ADAMTS3: variants seen among roughly 807,000 people sequenced by gnomAD.
ADAMTS3 encodes A disintegrin and metalloproteinase with thrombospondin motifs 3.
ADAMTS3 carries 73 observed loss-of-function variants against 129.0 expected under a neutral mutation model. The ratio of observed to expected loss-of-function variants is 0.57; its 90% CI spans 0.47 to 0.69. ADAMTS3 has a LOEUF of 0.69. ADAMTS3 is among the 30% of genes least tolerant of loss of function. The probability of loss-of-function intolerance (pLI) is 0.00; values close to 1 mark genes in which losing one functional copy is unlikely to be tolerated. For synonymous variants in ADAMTS3, 477 were observed against 510.8 expected, an observed-to-expected ratio of 0.93 and a Z score of 0.89; for missense variants, 1,457 against 1,514.5, an observed-to-expected ratio of 0.96 and a Z score of 0.63.
intron 2 of ADAMTS3, among the ~76,000 whole-genome samples, chr4:72,564,245 G>A (rs1043106275): frequency 1.3e-5 from 2 of 152,088 alleles, no homozygotes; most frequent in Non-Finnish European, 2.9e-5. Flanking sequence ...CTCAGTGGTG[G>A]CTTATGAAAC....
At chr4:72,477,337 CT>C (rs1386028009) in intron 3 of ADAMTS3, among the ~76,000 whole-genome samples, 1 of 152,136 alleles carries the variant, frequency 6.6e-6, no homozygotes, top group African/African-American at 2.4e-5. Flanking sequence ...TTATAACAAA[CT>C]GTCTCTCAGA....
intron 3 of ADAMTS3, among the ~76,000 whole-genome samples, chr4:72,518,561 T>A (rs565449121): frequency 8.5e-4 from 130 of 152,270 alleles, no homozygotes; most frequent in African/African-American, 2.5e-3. Flanking sequence ...TTAGCTCTTC[T>A]TGTTGAATTG....
chr4:72,454,537 A>ATGGTACATGCT (rs1226668808), intron 3 of ADAMTS3, among the ~76,000 whole-genome samples: 1 of 151,686 alleles, frequency 6.6e-6, no homozygotes, highest in Non-Finnish European at 1.5e-5. Context: ...CAATAATTAG[A>ATGGTACATGCT]TGGTACATGC....
intron 4 of ADAMTS3, among the ~76,000 whole-genome samples, chr4:72,349,396 A>G (rs1720368994): frequency 6.6e-6 from 1 of 152,052 alleles, no homozygotes; most frequent in Non-Finnish European, 1.5e-5. Flanking sequence ...ACATGAAAAA[A>G]ATGTGCTACA....
At chr4:72,481,885 T>C (rs920186918) in intron 3 of ADAMTS3, among the ~76,000 whole-genome samples, 1 of 152,038 alleles carries the variant, frequency 6.6e-6, no homozygotes, top group African/African-American at 2.4e-5. Flanking sequence ...ATTTAGAGAA[T>C]ACATAAATGG....
chr4:72,539,540 T>G (rs1426789406), intron 3 of ADAMTS3, among the ~76,000 whole-genome samples: 1 of 126,874 alleles, frequency 7.9e-6, no homozygotes, highest in Non-Finnish European at 1.7e-5. Context: ...TTCACAAGAA[T>G]GTGGAAAAAA....
intron 3 of ADAMTS3, among the ~76,000 whole-genome samples, chr4:72,494,002 T>C (rs1305752301): frequency 2.6e-5 from 4 of 152,196 alleles, no homozygotes; most frequent in African/African-American, 4.8e-5. Context: ...TTCAAAATTC[T>C]ATCTTTGTCT....
chr4:72,311,964 G>A lies in ADAMTS3; in HGVS notation c.1921+327C>T, dbSNP rs1432231108. The A allele has an allele frequency of 1.7e-5, 4 of 242,038 alleles. No homozygotes were observed. The East Asian group carries it at 3.2e-4, about 19-fold the overall frequency. 15.0% of individuals were successfully genotyped at this position (242,038 alleles called of 1,614,324 possible). A position where few individuals can be genotyped will look rare whatever the true frequency, so the allele number is the denominator to read the frequency against. On this transcript the variant is annotated intron_variant, in intron 13 of 21. Coordinates refer to ENST00000286657, the MANE Select transcript of ADAMTS3 (RefSeq NM_014243.3). ...ATTTTTCTCTAGTTCAGAAAGGAAA[G>A]ATCACAATATTCCAGAAGTATTTCC...
chr4:72,520,254 G>A (rs534892955), intron 3 of ADAMTS3, among the ~76,000 whole-genome samples: 13 of 152,216 alleles, frequency 8.5e-5, no homozygotes, highest in Non-Finnish European at 1.6e-4. Flanking sequence ...CCCTACTGGG[G>A]GGTGCCTCCC....
At chr4:72,396,133 A>C (rs1163550283) in intron 4 of ADAMTS3, among the ~76,000 whole-genome samples, 1 of 152,126 alleles carries the variant, frequency 6.6e-6, no homozygotes, top group Non-Finnish European at 1.5e-5. Context: ...CTGGAATATA[A>C]GAGGAAAGGA....
chr4:72,550,044 A>T (rs1235439071), intron 2 of ADAMTS3, among the ~76,000 whole-genome samples: 1 of 16,134 alleles, frequency 6.2e-5, no homozygotes, highest in African/African-American at 3.5e-4. Flanking sequence ...GAAGAAGAAG[A>T]GGAAGAGGAA....
intron 3 of ADAMTS3, among the ~76,000 whole-genome samples, chr4:72,465,007 A>C (rs1034209819): frequency 6.6e-6 from 1 of 152,034 alleles, no homozygotes; most frequent in Non-Finnish European, 1.5e-5. Context: ...AATGGTAACA[A>C]GACAGAAATC....
chr4:72,542,163 T>G (rs917151481), intron 3 of ADAMTS3, among the ~76,000 whole-genome samples: 4 of 83,642 alleles, frequency 4.8e-5, no homozygotes, highest in African/African-American at 2.1e-4. Flanking sequence ...TATCATTATT[T>G]GTTTTGTTTT....
At position 72,556,976 on chromosome 4, in the gene ADAMTS3, G is replaced by A. The variant is rs1254378319; in HGVS notation, c.98-8092C>T. Among the ~76,000 whole-genome samples, 4 of 151,650 alleles carry A rather than the reference G, an allele frequency of 2.6e-5. 1 individual carries two copies. Among genetic ancestry groups the A allele is most frequent in the African/African-American group, 9.8e-5 (4 of 40,986 alleles). On this transcript the variant is annotated intron_variant, in intron 2 of 21. Transcript: ENST00000286657. ...AAGGACCTTAAATTCCACATCAACA[G>A]AGGGCCTAAAATCCAATCTGGCTGT... is the stretch of plus-strand genomic sequence containing the variant.
chr4:72,505,359 T>G (rs887747001), intron 3 of ADAMTS3, among the ~76,000 whole-genome samples: 5 of 152,184 alleles, frequency 3.3e-5, no homozygotes, highest in Non-Finnish European at 7.3e-5. Context: ...ACTATGCACT[T>G]CTGTTGGTAG....
intron 3 of ADAMTS3, 116 bp downstream of exon 3, chr4:72,548,362 T>TA: frequency 8.8e-7 from 1 of 1,135,284 alleles, no homozygotes; most frequent in Non-Finnish European, 1.2e-6. Context: ...TTTCTGAACT[T>TA]AAAATGTAAC....
chr4:72,557,519 T>C (rs1483064484), intron 2 of ADAMTS3, among the ~76,000 whole-genome samples: 1 of 151,912 alleles, frequency 6.6e-6, no homozygotes, highest in Admixed American at 6.5e-5. Context: ...ATTGCAAATC[T>C]ATTTTCATAG....
At chr4:72,355,634 C>G (rs369808899) in intron 4 of ADAMTS3, among the ~76,000 whole-genome samples, 1 of 151,992 alleles carries the variant, frequency 6.6e-6, no homozygotes, top group African/African-American at 2.4e-5. Context: ...GGGTTTCCCC[C>G]ATCCATCATG....
chr4:72,355,122 T>G (rs1484731351), intron 4 of ADAMTS3, among the ~76,000 whole-genome samples: 1 of 151,860 alleles, frequency 6.6e-6, no homozygotes, highest in Non-Finnish European at 1.5e-5. Flanking sequence ...AATCTTGTTA[T>G]TTTTCATTAT....
Sources: gnomAD v4.1 joint callset for allele counts (sites outside exome capture counted in the v4.1 genomes callset) on GRCh38, gnomAD v4.1.1 for gene constraint, MANE v1.5 for transcripts, NCBI Gene and HGNC (gene_info 2026-07-23, HGNC 2026-07-21) for gene names.